The following KCNA6 variants were observed in gnomAD, a reference collection of about 807,000 sequenced individuals.
KCNA6 encodes human brain potassium channel-2.
In KCNA6, 17 loss-of-function variants were observed where a neutral mutation model predicts 29.5. The ratio of observed to expected loss-of-function variants is 0.58; its 90% CI spans 0.39 to 0.86. KCNA6 has a LOEUF of 0.86. Ranked by LOEUF, KCNA6 falls within the 40% of genes least tolerant of loss-of-function variation. The pLI, the probability that KCNA6 is intolerant of heterozygous loss-of-function variation, is 0.00. For synonymous variants in KCNA6, 296 were observed against 304.7 expected (o/e 0.97, Z 0.30); for missense variants, 450 against 703.4 (o/e 0.64, Z 4.07).
chr12:4,823,163 T>G, the KCNA6 span, among the ~76,000 whole-genome samples: 2 of 152,130 alleles, frequency 1.3e-5, no homozygotes, highest in East Asian at 3.8e-4. Flanking sequence ...TTGTTGTTGT[T>G]TTGTGTATGT....
the KCNA6 span, among the ~76,000 whole-genome samples, chr12:4,831,588 T>C: frequency 6.6e-6 from 1 of 152,178 alleles, no homozygotes; most frequent in Non-Finnish European, 1.5e-5. Context: ...TCTCCTTTTG[T>C]AAATGCCAAA....
exon 1 of KCNA6, chr12:4,809,852 CAGACCCAGCCTTGCA>C (rs1946603907): frequency 1.6e-6 from 1 of 624,756 alleles, no homozygotes; most frequent in African/African-American, 1.9e-5. Context: ...GTCACCTCCC[CAGACCCAGCCTTGCA>C]GGGACCAGGG....
the KCNA6 span, among the ~76,000 whole-genome samples, chr12:4,848,541 A>C: frequency 6.6e-6 from 1 of 151,994 alleles, no homozygotes; most frequent in African/African-American, 2.4e-5. Context: ...AACTTTAAAA[A>C]AATGTTTTTT....
chr12:4,848,696 G>A, the KCNA6 span, among the ~76,000 whole-genome samples: 1 of 151,362 alleles, frequency 6.6e-6, no homozygotes, highest in Non-Finnish European at 1.5e-5. Flanking sequence ...CACCACGCCC[G>A]GCTAATTTTG....
At chr12:4,849,267 T>C in the KCNA6 span, among the ~76,000 whole-genome samples, 1 of 152,132 alleles carries the variant, frequency 6.6e-6, no homozygotes, top group Non-Finnish European at 1.5e-5. Flanking sequence ...TTGAGTCTAA[T>C]GACCCGTAGC....
chr12:4,815,529 T>C (rs544746049), downstream of KCNA6, among the ~76,000 whole-genome samples: 1 of 152,204 alleles, frequency 6.6e-6, no homozygotes, highest in Admixed American at 6.5e-5. Flanking sequence ...TCTCCAAGCT[T>C]AGGAGGCTGG....
the KCNA6 span, among the ~76,000 whole-genome samples, chr12:4,847,251 A>G: frequency 6.6e-6 from 1 of 152,142 alleles, no homozygotes; most frequent in South Asian, 2.1e-4. Flanking sequence ...TCATGATGCT[A>G]TACCTTGATG....
chr12:4,829,247 A>T, the KCNA6 span, among the ~76,000 whole-genome samples: 1 of 151,966 alleles, frequency 6.6e-6, no homozygotes, highest in Non-Finnish European at 1.5e-5. Context: ...ATAGGATGGG[A>T]TTTGGCTGTC....
chr12:4,839,067 C>CA, the KCNA6 span: 1 of 152,106 alleles, frequency 6.6e-6, no homozygotes, highest in Non-Finnish European at 1.5e-5. Context: ...ATAATATGCA[C>CA]AAAAAAGCAG....
chr12:4,835,390 T>G, the KCNA6 span, among the ~76,000 whole-genome samples: 1 of 152,178 alleles, frequency 6.6e-6, no homozygotes, highest in Admixed American at 6.5e-5. Context: ...CGCCTCAGCC[T>G]CCCAAAGTGC....
At position 4,811,397 on chromosome 12, in the gene KCNA6, G is replaced by T. The variant is rs755091505; in HGVS notation, c.1356G>T (p.Leu452=). ...TCGCTGGGGTCCTCACCATTGCCCT[G>T]CCTGTGCCCGTCATCGTCTCCAACT... is the stretch of plus-strand genomic sequence containing the variant. Residue 452 remains leucine, a synonymous_variant, in exon 1 of 1, where the codon CTG becomes CTT. Transcript: ENST00000280684. The surrounding 1 kb of genome is among the most constrained non-coding windows in gnomAD (Gnocchi z 7.1). The T allele has an allele frequency of 3.1e-6, 5 of 1,614,054 alleles. No individual in the cohort carries two copies. The South Asian group carries it at 5.5e-5, about 18-fold the overall frequency.
the KCNA6 span, among the ~76,000 whole-genome samples, chr12:4,830,890 G>T: frequency 6.6e-6 from 1 of 152,236 alleles, no homozygotes. Context: ...TACCTATTCA[G>T]CAGCCTTGCA....
At chr12:4,843,897 T>C in the KCNA6 span, among the ~76,000 whole-genome samples, 4 of 152,140 alleles carry the variant, frequency 2.6e-5, no homozygotes, top group African/African-American at 9.7e-5. Flanking sequence ...GACCTACCTC[T>C]AATATTGGAG....
the KCNA6 span, among the ~76,000 whole-genome samples, chr12:4,829,439 G>A: frequency 0.14 from 21,429 of 152,096 alleles, 1,628 homozygotes; most frequent in Non-Finnish European, 0.17. Context: ...CTTATTGCTC[G>A]CTAAATATAG....
chr12:4,811,656 G>T lies in KCNA6; in HGVS notation c.*25G>T. ...ACCCATGCAGGCAGGGCCTGCAGGA[G>T]GGGAGCACTGAGCTAACAGTCTCTT... On this transcript the variant is annotated 3_prime_UTR_variant, in exon 1 of 1. Transcript: ENST00000280684. The surrounding 1 kb of genome is among the most constrained non-coding windows in gnomAD (Gnocchi z 7.1). 6.3e-7 allele frequency: 1 copy of T among 1,597,600 alleles called. No individual in the cohort carries two copies. The highest frequency in any genetic ancestry group is 1.3e-5 in the African/African-American group (1 of 74,602).
the KCNA6 span, among the ~76,000 whole-genome samples, chr12:4,847,124 T>C: frequency 6.6e-6 from 1 of 152,074 alleles, no homozygotes; most frequent in African/African-American, 2.4e-5. Context: ...TCCCTCTGCC[T>C]CTCTGCTGCA....
At chr12:4,827,198 T>TTTCTTCCC in the KCNA6 span, among the ~76,000 whole-genome samples, 1 of 76,918 alleles carries the variant, frequency 1.3e-5, no homozygotes, top group Non-Finnish European at 3.1e-5. Flanking sequence ...CCTTCCTTCC[T>TTTCTTCCC]TCCTTCCCTC....
At chr12:4,833,302 C>T in the KCNA6 span, among the ~76,000 whole-genome samples, 3 of 152,296 alleles carry the variant, frequency 2.0e-5, no homozygotes, top group East Asian at 1.9e-4. Context: ...TCTGTGATCC[C>T]TCATGCATCT....
At chr12:4,833,081 A>AT in the KCNA6 span, among the ~76,000 whole-genome samples, 3 of 152,080 alleles carry the variant, frequency 2.0e-5, no homozygotes, top group Admixed American at 2.0e-4. Flanking sequence ...AAAAGAGAAT[A>AT]TTTTTTATCT....
Sources: gnomAD v4.1 joint callset for allele counts (sites outside exome capture counted in the v4.1 genomes callset) on GRCh38, gnomAD v4.1.1 for gene constraint, Gnocchi (gnomAD v3.1) non-coding constraint, MANE v1.5 for transcripts, NCBI Gene and HGNC (gene_info 2026-07-23, HGNC 2026-07-21) for gene names.